The following DOCK7 variants were observed in gnomAD, a reference collection of about 807,000 sequenced individuals.
DOCK7 encodes dedicator of cytokinesis 7.
DOCK7 carries 138 observed loss-of-function variants against 271.0 expected under a neutral mutation model. The ratio of observed to expected loss-of-function variants is 0.51; its 90% CI spans 0.44 to 0.59. The LOEUF is 0.59. Ranked by LOEUF, DOCK7 falls within the 20% of genes least tolerant of loss-of-function variation. The probability of loss-of-function intolerance (pLI) is 0.00; values close to 1 mark genes in which losing one functional copy is unlikely to be tolerated. For missense variants in DOCK7, 2,066 were observed against 2,592.4 expected (o/e 0.80, Z 4.41); for synonymous variants, 823 against 876.1 (o/e 0.94, Z 1.07).
chr1:62,472,341 G>C (rs1645855954), intron 48 of DOCK7, among the ~76,000 whole-genome samples: 1 of 152,074 alleles, frequency 6.6e-6, no homozygotes, highest in African/African-American at 2.4e-5. Context: ...CTGAGCTCTG[G>C]TGATCCACCC....
intron 48 of DOCK7, among the ~76,000 whole-genome samples, chr1:62,472,452 A>G (rs1645859339): frequency 6.6e-6 from 1 of 152,236 alleles, no homozygotes; most frequent in African/African-American, 2.4e-5. Context: ...CTCTACAGAT[A>G]GTAACACTTA....
At chr1:62,545,565 TA>T (rs1557695286) in intron 22 of DOCK7, among the ~76,000 whole-genome samples, 1 of 152,040 alleles carries the variant, frequency 6.6e-6, no homozygotes, top group Non-Finnish European at 1.5e-5. Context: ...AGAAATAAAG[TA>T]AAAACTTAAG....
intron 14 of DOCK7, among the ~76,000 whole-genome samples, chr1:62,587,687 A>G (rs1204584501): frequency 2.0e-5 from 3 of 152,188 alleles, no homozygotes; most frequent in Non-Finnish European, 4.4e-5. Flanking sequence ...AACAATGTAC[A>G]GCCATATTTA....
intron 7 of DOCK7, among the ~76,000 whole-genome samples, chr1:62,643,914 C>T (rs914255643): frequency 1.3e-5 from 2 of 151,930 alleles, no homozygotes; most frequent in Non-Finnish European, 2.9e-5. Context: ...ATTATAAAAT[C>T]TTGAAAAAGA....
At chr1:62,537,857 T>C (rs1237295986) in intron 28 of DOCK7, 34 bp downstream of exon 28, 4 of 1,579,136 alleles carry the variant, frequency 2.5e-6, no homozygotes, top group African/African-American at 2.7e-5. Flanking sequence ...CAAAAGTGAC[T>C]TTAAATATAT....
chr1:62,512,249 T>C (rs960096710), intron 33 of DOCK7, among the ~76,000 whole-genome samples: 1 of 152,176 alleles, frequency 6.6e-6, no homozygotes, highest in African/African-American at 2.4e-5. Flanking sequence ...ATTGTGCTGT[T>C]GGCATGTATC....
At chr1:62,574,914 A>G (rs1269024252) in intron 18 of DOCK7, among the ~76,000 whole-genome samples, 1 of 152,086 alleles carries the variant, frequency 6.6e-6, no homozygotes, top group East Asian at 1.9e-4. Context: ...TATTTTTAGT[A>G]GAGAAGGAGT....
rs1455638600 is a variant in DOCK7 at position 62,504,566 on chromosome 1, A to G, written c.4764+64T>C. 7.2e-6 allele frequency: 11 copies of G among 1,517,508 alleles called. No individual in the cohort carries two copies. In the East Asian group the frequency reaches 2.5e-4, roughly 35 times the overall value. The allele number at this position is 1,517,508 out of a possible 1,614,324, so 94.0% of individuals were successfully genotyped here. A position where few individuals can be genotyped will look rare whatever the true frequency, so the allele number is the denominator to read the frequency against. On this transcript the variant is annotated intron_variant, in intron 37 of 49. Transcript: ENST00000635253. The stretch of plus-strand genomic sequence containing the variant: ...CCATGCTCTCCCAAAAACTGATTTA[A>G]TAACTATCAGCAGAAGTTATATTTC...
intron 31 of DOCK7, among the ~76,000 whole-genome samples, chr1:62,526,924 G>A (rs991243870): frequency 6.6e-6 from 1 of 152,102 alleles, no homozygotes; most frequent in South Asian, 2.1e-4. Context: ...GGGTAGGAAC[G>A]ACTGCTAATA....
intron 16 of DOCK7, among the ~76,000 whole-genome samples, chr1:62,580,909 A>G (rs1003571031): frequency 1.3e-5 from 2 of 152,202 alleles, no homozygotes; most frequent in African/African-American, 4.8e-5. Flanking sequence ...ATGAAATTCA[A>G]ATTTCAATGT....
chr1:62,460,639 A>ACACACACACACACC (rs1220723847), intron 48 of DOCK7, among the ~76,000 whole-genome samples: 1 of 114,036 alleles, frequency 8.8e-6, no homozygotes, highest in African/African-American at 3.1e-5. Flanking sequence ...ACACACACAC[A>ACACACACACACACC]CCCTCCAAGT....
intron 14 of DOCK7, among the ~76,000 whole-genome samples, chr1:62,606,839 T>C (rs535063707): frequency 1.4e-4 from 22 of 152,232 alleles, no homozygotes; most frequent in African/African-American, 5.1e-4. Context: ...CAAGTCTCTT[T>C]CCAGTTCCCC....
intron 19 of DOCK7, 30 bp from the exon 20 acceptor site, chr1:62,559,250 G>A: frequency 6.4e-7 from 1 of 1,561,636 alleles, no homozygotes; most frequent in Middle Eastern, 1.7e-4. Context: ...AAAGCACTAA[G>A]CACTTATAAC....
intron 7 of DOCK7, among the ~76,000 whole-genome samples, chr1:62,646,472 A>G (rs748218463): frequency 2.0e-5 from 3 of 152,158 alleles, no homozygotes; most frequent in African/African-American, 4.8e-5. Context: ...AGGGCTTATT[A>G]AGGTTAAATG....
At chr1:62,589,286 G>A (rs1173500710) in intron 14 of DOCK7, among the ~76,000 whole-genome samples, 7 of 152,002 alleles carry the variant, frequency 4.6e-5, no homozygotes, top group Non-Finnish European at 8.8e-5. Context: ...TTATTTTTTA[G>A]CATCATTTAT....
chr1:62,565,423 C>T (rs865959931), intron 18 of DOCK7, among the ~76,000 whole-genome samples: 6 of 152,178 alleles, frequency 3.9e-5, no homozygotes, highest in South Asian at 2.1e-4. Flanking sequence ...AATAAATAAA[C>T]GTAATCCATC....
At position 62,688,254 on chromosome 1, in the gene DOCK7, C is replaced by T. The variant is rs1469670233; in HGVS notation, c.11G>A (p.Arg4His). Residue 4 changes from arginine to histidine, a missense_variant, in exon 1 of 50, where the codon CGC becomes CAC. This residue lies in a region of DOCK7 where 1,414 missense variants were observed against 1,670.4 expected (regional missense o/e 0.85). Transcript: ENST00000635253. Reference sequence around the variant, plus strand: ...GCTGATCTTCTGGGCGAAGGCGCGGCGCTCGGCCATGGCTGCTGCGGCGAC... The same window carrying T: ...GCTGATCTTCTGGGCGAAGGCGCGGTGCTCGGCCATGGCTGCTGCGGCGAC... MAE[R>H]RAFAQKISRT... is the part of the protein sequence containing the mutation. 5.9e-6 allele frequency: 8 copies of T among 1,363,088 alleles called. No homozygotes were observed. The highest frequency in any genetic ancestry group is 1.5e-5 in the African/African-American group (1 of 66,142). 84.4% of individuals were successfully genotyped at this position (1,363,088 alleles called of 1,614,324 possible). A position where few individuals can be genotyped will look rare whatever the true frequency, so the allele number is the denominator to read the frequency against.
intron 31 of DOCK7, among the ~76,000 whole-genome samples, chr1:62,527,266 A>C (rs1169912225): frequency 6.6e-6 from 1 of 152,174 alleles, no homozygotes; most frequent in Non-Finnish European, 1.5e-5. Context: ...AAAACATAAA[A>C]AAGTATAAAT....
At chr1:62,568,145 T>C (rs1197286624) in intron 18 of DOCK7, among the ~76,000 whole-genome samples, 2 of 148,958 alleles carry the variant, frequency 1.3e-5, no homozygotes, top group African/African-American at 4.9e-5. Context: ...TGCTCCTGAA[T>C]GACTGTTGGG....
Sources: gnomAD v4.1 joint callset for allele counts (sites outside exome capture counted in the v4.1 genomes callset) on GRCh38, gnomAD v4.1.1 for gene constraint, gnomAD v4.1.1 regional missense constraint, MANE v1.5 for transcripts, NCBI Gene and HGNC (gene_info 2026-07-23, HGNC 2026-07-21) for gene names.